Variants in ZBED1 observed in about 807,000 individuals in gnomAD.
ZBED1 encodes the protein E3 SUMO-protein ligase ZBED1.
Under a neutral mutation model 49.7 loss-of-function variants are expected in ZBED1, and 19 were observed. The observed-to-expected ratio is 0.38, with a 90% CI of 0.27 to 0.56. ZBED1 has a LOEUF of 0.56. ZBED1 is among the 20% of genes least tolerant of loss of function. The pLI, the probability that ZBED1 is intolerant of heterozygous loss-of-function variation, is 0.70. For missense variants in ZBED1, 806 were observed against 972.6 expected (o/e 0.83, Z 2.28); for synonymous variants, 439 against 440.3 (o/e 1.00, Z 0.04).
In ZBED1 at chrX:2,489,051, C is replaced by A; in HGVS notation, c.1669G>T (p.Gly557Cys). ...TGCCACTCTTCCTGGTCCTCCACGC[C>A]GCCTGTCTGGCAGAAGATCTCGGCC... The part of the protein sequence containing the change: ...MLAEIFCQTG[G>C]VEDQEEWHAQ... The change falls in exon 2 of 2, where the codon GGC (glycine) becomes TGC (cysteine). Residue 557 changes from glycine (G) to cysteine (C), a missense_variant. Physicochemically the swap from Gly to Cys is radical, Grantham distance 159 (BLOSUM62 -3). This residue lies in a region of ZBED1 where 749 missense variants were observed against 861.3 expected (regional missense o/e 0.87). Transcript: ENST00000652001. 1 of 1,613,834 alleles carries A rather than the reference C, an allele frequency of 6.2e-7. No homozygotes were observed. Among genetic ancestry groups the A allele is most frequent in the Non-Finnish European group, 8.5e-7 (1 of 1,179,828 alleles).
At position 2,500,829 on chromosome X, in the gene ZBED1, A is replaced by T; in HGVS notation, c.-66T>A. The T allele has an allele frequency of 8.8e-7, 1 of 1,135,850 alleles. No individual in the cohort carries two copies. Among genetic ancestry groups the T allele is most frequent in the Non-Finnish European group, 1.1e-6 (1 of 924,812 alleles). 70.4% of individuals were successfully genotyped at this position (1,135,850 alleles called of 1,614,324 possible). A position where few individuals can be genotyped will look rare whatever the true frequency, so the allele number is the denominator to read the frequency against. On this transcript the variant is annotated 5_prime_UTR_variant, in exon 1 of 2. Transcript: ENST00000652001. ...CCGCCCCGCTGACCTGGCTCCAGGA[A>T]GCCCCCGCGGCAGCGCCGCAGCAGC...
chrX:2,489,333 G>C lies in ZBED1; in HGVS notation c.1387C>G (p.Pro463Ala), dbSNP rs766001760. The C allele has an allele frequency of 6.2e-7, 1 of 1,613,340 alleles. No homozygotes were observed. ...ACGTTGAGAAACATGTCGATCTCGG[G>C]CGTCTCCTGGTAGGTCTTGGAAAGC... is the stretch of plus-strand genomic sequence containing the variant. ...KELSKTYQET[P>A]EIDMFLNVAT... Residue 463 changes from proline to alanine, a missense_variant, in exon 2 of 2, where the codon CCC becomes GCC. By Grantham distance (27) the Pro-to-Ala change is conservative. This residue lies in a region of ZBED1 where 749 missense variants were observed against 861.3 expected (regional missense o/e 0.87). Transcript: ENST00000652001.
Position 2,490,588 on chromosome X carries a change from T to C in ZBED1, c.132A>G (p.Lys44=). Residue 44 remains lysine, a synonymous_variant, in exon 2 of 2, where the codon AAA becomes AAG. Transcript: ENST00000652001. ...GGGCCATGCAGATGCGGCAGTAGAT[T>C]TTCTTCCACTGCAGGATGCATCCCT... is the stretch of plus-strand genomic sequence containing the variant. ...NAEGCILQWK[K]IYCRICMAQI... is the part of the protein sequence containing the mutation. 6.2e-7 allele frequency: 1 copy of C among 1,613,916 alleles called. No individual in the cohort carries two copies. The highest frequency in any genetic ancestry group is 2.2e-5 in the East Asian group (1 of 44,876).
At chrX:2,493,115 G>A (rs2045198296) in intron 1 of ZBED1, among the ~76,000 whole-genome samples, 1 of 152,200 alleles carries the variant, frequency 6.6e-6, no homozygotes, top group African/African-American at 2.4e-5. Context: ...GCCAATGCCA[G>A]CACCCTGGTT....
At chrX:2,492,307 G>A (rs1278615547) in intron 1 of ZBED1, among the ~76,000 whole-genome samples, 1 of 152,096 alleles carries the variant, frequency 6.6e-6, no homozygotes, top group African/African-American at 2.4e-5. Context: ...GAGGAGACAC[G>A]GACACACAGG....
rs368890122 is a variant in ZBED1 at position 2,490,046 on chromosome X, C to G, written c.674G>C (p.Cys225Ser). 1 of 1,613,790 alleles carries G rather than the reference C, an allele frequency of 6.2e-7. No individual in the cohort carries two copies. Among genetic ancestry groups the G allele is most frequent in the Non-Finnish European group, 8.5e-7 (1 of 1,179,870 alleles). The change falls in exon 2 of 2, where the codon TGC becomes TCC. Residue 225 changes from cysteine to serine, a missense_variant. Transcript: ENST00000652001. ...CAGGCAGCGGGAGCCCATGGACAGG[C>G]AGTTGGGGGCGCCCAGGCCCAGGAA... is the stretch of plus-strand genomic sequence containing the variant. The part of the protein sequence containing the change: ...AHFLGLGAPN[C>S]LSMGSRCLKT...
chrX:2,498,465 A>T (rs1451275287), intron 1 of ZBED1, among the ~76,000 whole-genome samples: 7 of 152,188 alleles, frequency 4.6e-5, no homozygotes, highest in African/African-American at 1.4e-4. Context: ...ATCCATACAT[A>T]GGAAGGGGCT....
Position 2,500,830 on chromosome X carries a change from G to A in ZBED1, c.-67C>T, listed in dbSNP as rs1025706843. On this transcript the variant is annotated 5_prime_UTR_variant, in exon 1 of 2. Transcript: ENST00000652001. ...CGCCCCGCTGACCTGGCTCCAGGAAGCCCCCGCGGCAGCGCCGCAGCAGCT... is the reference window on the plus strand; with the variant it reads ...CGCCCCGCTGACCTGGCTCCAGGAAACCCCCGCGGCAGCGCCGCAGCAGCT... The A allele has an allele frequency of 1.7e-4, 194 of 1,129,494 alleles. No individual in the cohort carries two copies. In the African/African-American group the frequency reaches 3.2e-3, roughly 18 times the overall value. 70.0% of individuals were successfully genotyped at this position (1,129,494 alleles called of 1,614,324 possible).
rs2045097154 is a variant in ZBED1, at chrX:2,490,241, TA to T, written c.478del (p.Tyr160MetfsTer24). The T allele has an allele frequency of 6.2e-7, 1 of 1,613,798 alleles. No homozygotes were observed. The highest frequency in any genetic ancestry group is 1.3e-5 in the African/African-American group (1 of 74,926). On this transcript the variant is annotated frameshift_variant, in exon 2 of 2. Coordinates refer to ENST00000652001, the MANE Select transcript of ZBED1 (RefSeq NM_001171136.2). LOFTEE classifies it high-confidence loss of function. ...KVLLKTADPR[Y>X]ELPSRKYIST... The stretch of plus-strand genomic sequence containing the variant: ...GATGTACTTCCGGCTGGGCAGCTCA[TA>T]CCGGGGGTCGGCCGTCTTCAGCAGC...
chrX:2,492,110 T>G (rs2045165653), intron 1 of ZBED1, among the ~76,000 whole-genome samples: 1 of 152,098 alleles, frequency 6.6e-6, no homozygotes, highest in East Asian at 1.9e-4. Context: ...ATGACTATAG[T>G]GGGTTGAAAA....
rs990169470 is a variant in ZBED1, at chrX:2,489,466, G to T, written c.1254C>A (p.Thr418=). ...AEMLSASRYP[T]ISMVKPLLHM... ...GCAGCAGCGGCTTCACCATGCTGAT[G>T]GTGGGGTACCTGGAGGCCGACAGCA... The change falls in exon 2 of 2, where the codon ACC becomes ACA. Residue 418 remains threonine, a synonymous_variant. Transcript: ENST00000652001. 1 of 1,613,726 alleles carries T rather than the reference G, an allele frequency of 6.2e-7. No homozygotes were observed. The highest frequency in any genetic ancestry group is 8.5e-7 in the Non-Finnish European group (1 of 1,179,870).
Position 2,488,856 on chromosome X carries a change from A to G in ZBED1, c.1864T>C (p.Phe622Leu). 1 of 1,613,624 alleles carries G rather than the reference A, an allele frequency of 6.2e-7. No individual in the cohort carries two copies. The highest frequency in any genetic ancestry group is 8.5e-7 in the Non-Finnish European group (1 of 1,179,756). ...TATRVAPERL[F>L]GSAANVVSAK... The stretch of plus-strand genomic sequence containing the variant: ...CTGACCACGTTGGCGGCGGATCCGA[A>G]GAGACGCTCAGGGGCGACGCGCGTG... Residue 622 changes from phenylalanine to leucine, a missense_variant, in exon 2 of 2, where the codon TTC becomes CTC. Physicochemically the swap from Phe to Leu is conservative, Grantham distance 22. This residue lies in a region of ZBED1 where 749 missense variants were observed against 861.3 expected (regional missense o/e 0.87). Coordinates refer to ENST00000652001, the MANE Select transcript of ZBED1 (RefSeq NM_001171136.2).
chrX:2,486,473 C>T lies in ZBED1; in HGVS notation c.*2162G>A, dbSNP rs1292416021. 2 of 152,178 alleles carry T rather than the reference C, an allele frequency of 1.3e-5. No individual in the cohort carries two copies. The highest frequency in any genetic ancestry group is 4.8e-5 in the African/African-American group (2 of 41,430). The allele number at this position is 152,178 out of a possible 1,614,324, so 9.4% of individuals were successfully genotyped here. A position where few individuals can be genotyped will look rare whatever the true frequency, so the allele number is the denominator to read the frequency against. ...TTTATTGAACAACAGTCCAACTTTA[C>T]AGCATTAAATAAGGGGCAACCGTTC... On this transcript the variant is annotated 3_prime_UTR_variant, in exon 2 of 2. Coordinates refer to ENST00000652001, the MANE Select transcript of ZBED1 (RefSeq NM_001171136.2).
Position 2,490,296 on chromosome X carries a change from A to C in ZBED1, c.424T>G (p.Ser142Ala), listed in dbSNP as rs745640644. ...TTGAAGGTGGGCTCGTCCACGATGG[A>C]GGCTGGGTACAGCCCCTCGCAGATG... is the stretch of plus-strand genomic sequence containing the variant. ...GLICEGLYPA[S>A]IVDEPTFKVL... The change falls in exon 2 of 2, where the codon TCC becomes GCC. Residue 142 changes from serine (S) to alanine (A), a missense_variant. This residue lies in a region of ZBED1 where 749 missense variants were observed against 861.3 expected (regional missense o/e 0.87). Coordinates refer to ENST00000652001, the MANE Select transcript of ZBED1 (RefSeq NM_001171136.2). 6.2e-7 allele frequency: 1 copy of C among 1,613,510 alleles called. No homozygotes were observed. Among genetic ancestry groups the C allele is most frequent in the Admixed American group, 1.7e-5 (1 of 60,026 alleles).
rs1232738130 is a variant in ZBED1 at position 2,488,788 on chromosome X, C to T, written c.1932G>A (p.Gln644=). ...NRLAPAHVDE[Q]VFLYENARSG... The stretch of plus-strand genomic sequence containing the variant: ...TCCGGGCGTTCTCATACAGAAACAC[C>T]TGCTCGTCCACGTGCGCGGGAGCCA... Residue 644 remains glutamine (Q), a synonymous_variant, in exon 2 of 2, where the codon CAG becomes CAA. Coordinates refer to ENST00000652001, the MANE Select transcript of ZBED1 (RefSeq NM_001171136.2). The T allele has an allele frequency of 3.1e-6, 5 of 1,613,848 alleles. No individual in the cohort carries two copies. In the East Asian group the frequency reaches 1.1e-4, roughly 36 times the overall value.
At chrX:2,491,467 A>C (rs1290984310) in intron 1 of ZBED1, among the ~76,000 whole-genome samples, 1 of 152,078 alleles carries the variant, frequency 6.6e-6, no homozygotes, top group African/African-American at 2.4e-5. Context: ...TTTTCTGGGG[A>C]TGAAGCCTAC....
In ZBED1 at chrX:2,490,288, C is replaced by T; in HGVS notation, c.432G>A (p.Val144=). The T allele has an allele frequency of 6.2e-7, 1 of 1,613,660 alleles. No homozygotes were observed. Among genetic ancestry groups the T allele is most frequent in the South Asian group, 1.1e-5 (1 of 91,062 alleles). ...GCAGCACCTTGAAGGTGGGCTCGTC[C>T]ACGATGGAGGCTGGGTACAGCCCCT... ...ICEGLYPASI[V]DEPTFKVLLK... The change falls in exon 2 of 2, where the codon GTG becomes GTA. Residue 144 remains valine (V), a synonymous_variant. Coordinates refer to ENST00000652001, the MANE Select transcript of ZBED1 (RefSeq NM_001171136.2).
At chrX:2,493,826 G>A (rs190032027) in intron 1 of ZBED1, among the ~76,000 whole-genome samples, 27 of 152,110 alleles carry the variant, frequency 1.8e-4, no homozygotes, top group Admixed American at 1.3e-3. Flanking sequence ...AAAATTAGCC[G>A]GGCGTGGTAG....
At chrX:2,500,654 G>GCCCCCCCC (rs546772121) in intron 1 of ZBED1, 163 bp downstream of exon 1, 3 of 126,742 alleles carry the variant, frequency 2.4e-5, no homozygotes, top group Admixed American at 7.7e-5. Context: ...CGCGCACGCC[G>GCCCCCCCC]CCCCCCCCCC....
Sources: allele counts gnomAD v4.1 joint callset (sites outside exome capture counted in the v4.1 genomes callset), GRCh38; gene constraint gnomAD v4.1.1; regional missense constraint gnomAD v4.1.1; transcripts MANE v1.5; gene names NCBI Gene and HGNC (gene_info 2026-07-23, HGNC 2026-07-21).